SYT1: variants seen among roughly 807,000 people sequenced by gnomAD.
SYT1 encodes the protein synaptotagmin 1.
A neutral mutation model predicts 44.8 loss-of-function variants in SYT1; 8 were observed. That is an observed-to-expected ratio of 0.18 (90% CI 0.10 to 0.32). The LOEUF (loss-of-function observed/expected upper bound fraction) is 0.32, where lower values mean the gene tolerates loss of function less well. Among genes scored for constraint, SYT1 ranks in the 10% least tolerant of loss-of-function variants. The pLI, the probability that SYT1 is intolerant of heterozygous loss-of-function variation, is 1.00. For missense variants in SYT1, 286 were observed against 509.3 expected (o/e 0.56, Z 4.22); for synonymous variants, 154 against 188.8 (o/e 0.82, Z 1.51).
intron 3 of SYT1, among the ~76,000 whole-genome samples, chr12:79,108,340 C>CT (rs1878826976): frequency 6.6e-6 from 1 of 151,748 alleles, no homozygotes; most frequent in African/African-American, 2.4e-5. Context: ...TGTTTAATAT[C>CT]TTTAATATGT....
chr12:79,340,494 T>C (rs1565916126), intron 8 of SYT1, among the ~76,000 whole-genome samples: 1 of 151,842 alleles, frequency 6.6e-6, no homozygotes, highest in Non-Finnish European at 1.5e-5. Flanking sequence ...TGTATAAGAA[T>C]GCTTGTGATT....
At chr12:79,028,469 G>A (rs1872655107) in intron 2 of SYT1, among the ~76,000 whole-genome samples, 1 of 151,286 alleles carries the variant, frequency 6.6e-6, no homozygotes, top group Admixed American at 6.6e-5. Flanking sequence ...ATTAGAGCCT[G>A]TATATTCGTT....
At chr12:79,034,729 G>C (rs1427969296) in intron 2 of SYT1, among the ~76,000 whole-genome samples, 1 of 151,650 alleles carries the variant, frequency 6.6e-6, no homozygotes, top group Admixed American at 6.6e-5. Flanking sequence ...TCTCTGAAGA[G>C]GGCAATTTTC....
chr12:78,954,885 G>C (rs1217906987), intron 1 of SYT1, among the ~76,000 whole-genome samples: 1 of 151,884 alleles, frequency 6.6e-6, no homozygotes, highest in Admixed American at 6.6e-5. Flanking sequence ...TTCTATTTTT[G>C]AGCTTGTGAT....
intron 3 of SYT1, among the ~76,000 whole-genome samples, chr12:79,078,619 G>T (rs1876819855): frequency 6.6e-6 from 1 of 151,834 alleles, no homozygotes. Context: ...GTGGTTTGCT[G>T]CACAGACCAA....
At chr12:79,003,929 A>T (rs1870908441) in intron 2 of SYT1, among the ~76,000 whole-genome samples, 1 of 152,014 alleles carries the variant, frequency 6.6e-6, no homozygotes, top group Non-Finnish European at 1.5e-5. Context: ...CTTGAAAAGT[A>T]TCAATTATGT....
chr12:79,311,281 T>C (rs947064067), intron 8 of SYT1, among the ~76,000 whole-genome samples: 1 of 152,140 alleles, frequency 6.6e-6, no homozygotes, highest in Non-Finnish European at 1.5e-5. Flanking sequence ...TCACCATCAC[T>C]GGCCATCAGA....
intron 5 of SYT1, among the ~76,000 whole-genome samples, chr12:79,287,851 G>C (rs1029511551): frequency 5.9e-5 from 9 of 152,068 alleles, no homozygotes; most frequent in African/African-American, 2.2e-4. Context: ...TGGATGGGGA[G>C]AGACAGAGAA....
chr12:79,185,290 C>T (rs1872740084), intron 3 of SYT1, among the ~76,000 whole-genome samples: 1 of 152,032 alleles, frequency 6.6e-6, no homozygotes, highest in African/African-American at 2.4e-5. Context: ...TATCTTTCAC[C>T]TATCCATTTG....
At chr12:79,176,505 T>G (rs1443329233) in intron 3 of SYT1, among the ~76,000 whole-genome samples, 1 of 152,030 alleles carries the variant, frequency 6.6e-6, no homozygotes, top group Non-Finnish European at 1.5e-5. Flanking sequence ...ATACTCCATG[T>G]TGATATTCAT....
intron 3 of SYT1, among the ~76,000 whole-genome samples, chr12:79,189,676 G>A (rs1873000460): frequency 2.0e-5 from 3 of 152,132 alleles, no homozygotes; most frequent in Admixed American, 1.3e-4. Flanking sequence ...AGCCAAGGCA[G>A]GCAGATCACC....
rs781781115 is a variant in SYT1 at position 79,285,784 on chromosome 12, C to CAT, written c.167-2_167-1insTA. On this transcript the variant is annotated splice_region_variant and splice_polypyrimidine_tract_variant and intron_variant, in intron 4 of 10. Coordinates refer to ENST00000261205, the MANE Select transcript of SYT1 (RefSeq NM_005639.3). ...ACTAGTGCTCTCTGTGTGTTTCTTT[C>CAT]AGTGCCACCGTGGGCCTTAATTGCA... is the stretch of plus-strand genomic sequence containing the variant. 2.4e-5 allele frequency: 39 copies of CAT among 1,596,716 alleles called. No individual in the cohort carries two copies. The highest frequency in any genetic ancestry group is 3.0e-5 in the Non-Finnish European group (35 of 1,174,420).
intron 3 of SYT1, among the ~76,000 whole-genome samples, chr12:79,146,599 A>T (rs1200061865): frequency 6.6e-6 from 1 of 152,200 alleles, no homozygotes. Flanking sequence ...TTCTCCAGAC[A>T]TTCACCTCAG....
intron 2 of SYT1, among the ~76,000 whole-genome samples, chr12:79,003,858 A>G (rs1368920903): frequency 6.6e-6 from 1 of 152,000 alleles, no homozygotes; most frequent in Non-Finnish European, 1.5e-5. Context: ...GGTTTGAATC[A>G]TCACTGTCTC....
At chr12:79,021,350 T>G (rs1872178307) in intron 2 of SYT1, among the ~76,000 whole-genome samples, 1 of 151,876 alleles carries the variant, frequency 6.6e-6, no homozygotes, top group Non-Finnish European at 1.5e-5. Flanking sequence ...TAGTAAATTT[T>G]TCCTCTAATA....
At chr12:79,117,273 G>T (rs1315365507) in intron 3 of SYT1, among the ~76,000 whole-genome samples, 1 of 152,006 alleles carries the variant, frequency 6.6e-6, no homozygotes, top group African/African-American at 2.4e-5. Context: ...ATATTGTTAA[G>T]CAGGTTTTCA....
intron 4 of SYT1, among the ~76,000 whole-genome samples, chr12:79,245,473 C>CAAAAAAAAAAAAAA (rs1273397377): frequency 4.6e-5 from 2 of 43,510 alleles, no homozygotes; most frequent in African/African-American, 9.7e-5. Context: ...ACTCCGTCAA[C>CAAAAAAAAAAAAAA]AAAAAAAAAA....
intron 1 of SYT1, among the ~76,000 whole-genome samples, chr12:78,914,977 G>A (rs1376691995): frequency 6.6e-6 from 1 of 152,034 alleles, no homozygotes; most frequent in African/African-American, 2.4e-5. Flanking sequence ...GGTGGTGAAA[G>A]TGGGCATCTT....
intron 9 of SYT1, among the ~76,000 whole-genome samples, chr12:79,359,473 G>A (rs1314265603): frequency 1.3e-5 from 2 of 152,106 alleles, no homozygotes; most frequent in African/African-American, 2.4e-5. Context: ...AGCAACATTT[G>A]GGGCTGTAGG....
Sources: allele counts gnomAD v4.1 joint callset (sites outside exome capture counted in the v4.1 genomes callset), GRCh38; gene constraint gnomAD v4.1.1; transcripts MANE v1.5; gene names NCBI Gene and HGNC (gene_info 2026-07-23, HGNC 2026-07-21).